The following IQGAP1 variants were observed in gnomAD, a reference collection of about 807,000 sequenced individuals.
IQGAP1 encodes ras GTPase-activating-like protein IQGAP1.
In IQGAP1, 66 loss-of-function variants were observed where a neutral mutation model predicts 215.6. The ratio of observed to expected loss-of-function variants is 0.31; its 90% CI spans 0.25 to 0.38. IQGAP1 has a LOEUF of 0.38. IQGAP1 is among the 10% of genes least tolerant of loss of function. The pLI, the probability that IQGAP1 is intolerant of heterozygous loss-of-function variation, is 1.00. For missense variants in IQGAP1, 1,712 were observed against 1,997.1 expected, an observed-to-expected ratio of 0.86 and a Z score of 2.72; for synonymous variants, 772 against 728.7, an observed-to-expected ratio of 1.06 and a Z score of -0.96.
Position 90,481,884 on chromosome 15 carries a change from G to A in IQGAP1, c.3330-76G>A, listed in dbSNP as rs1335608494. 2.0e-6 allele frequency: 3 copies of A among 1,479,200 alleles called. No homozygotes were observed. The East Asian group carries it at 6.8e-5, about 34-fold the overall frequency. The allele number at this position is 1,479,200 out of a possible 1,614,324, so 91.6% of individuals were successfully genotyped here. Reference sequence around the variant, plus strand: ...AATATTTCTGGGTCTTATAGTTTATGAAAGATAAGACACTTGCTTCAGGCT... The same window carrying A: ...AATATTTCTGGGTCTTATAGTTTATAAAAGATAAGACACTTGCTTCAGGCT... On this transcript the variant is annotated intron_variant, in intron 26 of 37. Transcript: ENST00000268182.
At chr15:90,483,679 C>G in intron 29 of IQGAP1, 86 bp downstream of exon 29, 1 of 946,886 alleles carries the variant, frequency 1.1e-6, no homozygotes, top group Non-Finnish European at 1.6e-6. Context: ...AACCACCTCT[C>G]ACTTTCCCCG....
chr15:90,488,957 G>A (rs1444793205), intron 33 of IQGAP1, among the ~76,000 whole-genome samples: 1 of 152,124 alleles, frequency 6.6e-6, no homozygotes, highest in Non-Finnish European at 1.5e-5. Context: ...AAGAGCCTCT[G>A]TAAGGTTGAA....
At position 90,479,941 on chromosome 15, in the gene IQGAP1, G is replaced by C. The variant is rs568460928; in HGVS notation, c.3330-2019G>C. The stretch of plus-strand genomic sequence containing the variant: ...CCTGCAACCCAGGGCATTCCTTGCC[G>C]ATAGCCCCATGTACACTGGCTCCGG... On this transcript the variant is annotated intron_variant, in intron 26 of 37. Transcript: ENST00000268182. 5.2e-4 allele frequency among the ~76,000 whole-genome samples: 79 copies of C among 152,238 alleles called. 2 individuals carry two copies. In the South Asian group the frequency reaches 0.016, roughly 30 times the overall value.
At position 90,500,150 on chromosome 15, in the gene IQGAP1, C is replaced by A; in HGVS notation, c.*42C>A. On this transcript the variant is annotated 3_prime_UTR_variant, in exon 38 of 38. Transcript: ENST00000268182. Reference sequence around the variant, plus strand: ...AGCCCAGAAGGATGAAGGAAAGAAGCACCTCACAGCTCCTTTCTAGGTCCT... The same window carrying A: ...AGCCCAGAAGGATGAAGGAAAGAAGAACCTCACAGCTCCTTTCTAGGTCCT... The A allele has an allele frequency of 1.8e-6, 2 of 1,098,704 alleles. No homozygotes were observed. Among genetic ancestry groups the A allele is most frequent in the Non-Finnish European group, 2.8e-6 (2 of 714,300 alleles). 68.1% of individuals were successfully genotyped at this position (1,098,704 alleles called of 1,614,324 possible).
At chr15:90,493,459 A>G (rs376131060) in intron 35 of IQGAP1, among the ~76,000 whole-genome samples, 4 of 152,190 alleles carry the variant, frequency 2.6e-5, no homozygotes, top group African/African-American at 9.7e-5. Flanking sequence ...CAGCATGCCC[A>G]TGTTACAGGG....
chr15:90,448,183 A>G (rs969773241), intron 9 of IQGAP1, among the ~76,000 whole-genome samples: 1 of 152,326 alleles, frequency 6.6e-6, no homozygotes, highest in African/African-American at 2.4e-5. Context: ...GTAAGTGGCC[A>G]CGGGAGATAC....
chr15:90,397,240 C>T (rs867981048), intron 2 of IQGAP1, among the ~76,000 whole-genome samples: 1 of 152,184 alleles, frequency 6.6e-6, no homozygotes, highest in East Asian at 1.9e-4. Context: ...TCTATATTCT[C>T]ATAGTACGAA....
chr15:90,487,609 T>C, intron 33 of IQGAP1, 27 bp downstream of exon 33: 2 of 1,475,880 alleles, frequency 1.4e-6, no homozygotes, highest in Non-Finnish European at 1.9e-6. Flanking sequence ...AACATACTCC[T>C]TTGTTTGGTA....
intron 29 of IQGAP1, 105 bp from the exon 30 acceptor site, chr15:90,484,115 C>A: frequency 1.0e-6 from 1 of 967,144 alleles, no homozygotes; most frequent in Non-Finnish European, 1.6e-6. Context: ...TAACTGTTGA[C>A]TGGCTTCTGT....
Position 90,396,768 on chromosome 15 carries a change from C to T in IQGAP1, c.155+5895C>T, listed in dbSNP as rs75000085. Among the ~76,000 whole-genome samples the T allele has an allele frequency of 8.7e-3, 1,319 of 152,214 alleles. 40 individuals are homozygous for T. The East Asian group carries it at 0.11, about 12-fold the overall frequency. ...AGCTGAGTGCTTTTCTGTATTGTAA[C>T]ACTGTTGCAAATGGGGAGTATTCAT... is the stretch of plus-strand genomic sequence containing the variant. On this transcript the variant is annotated intron_variant, in intron 2 of 37. Transcript: ENST00000268182.
In IQGAP1 at chr15:90,483,480, G is replaced by C. The variant is rs765560332; in HGVS notation, c.3675G>C (p.Leu1225=). ...GQLTTDQRRN[L]GSIAKMLQHA... is the part of the protein sequence containing the mutation. ...TTACCACAGACCAACGCCGAAATCTGGGCTCCATTGCAAAAATGCTTCAGC... is the reference window on the plus strand; with the variant it reads ...TTACCACAGACCAACGCCGAAATCTCGGCTCCATTGCAAAAATGCTTCAGC... Residue 1225 remains leucine, a synonymous_variant, in exon 29 of 38, where the codon CTG becomes CTC. Transcript: ENST00000268182. The C allele has an allele frequency of 6.2e-7, 1 of 1,614,138 alleles. No homozygotes were observed. The highest frequency in any genetic ancestry group is 8.5e-7 in the Non-Finnish European group (1 of 1,180,022).
intron 33 of IQGAP1, 57 bp downstream of exon 33, chr15:90,487,639 C>A: frequency 1.7e-6 from 2 of 1,182,318 alleles, no homozygotes; most frequent in Non-Finnish European, 2.5e-6. Context: ...TCCCGATAGG[C>A]GCATGTCAGA....
chr15:90,426,622 A>C (rs939887094), intron 3 of IQGAP1, among the ~76,000 whole-genome samples: 3 of 152,000 alleles, frequency 2.0e-5, no homozygotes, highest in African/African-American at 7.3e-5. Context: ...TTAATTCTTT[A>C]GAAGGTAGAA....
intron 2 of IQGAP1, among the ~76,000 whole-genome samples, chr15:90,402,198 A>G (rs897964977): frequency 2.0e-5 from 3 of 152,198 alleles, no homozygotes; most frequent in Non-Finnish European, 4.4e-5. Context: ...GTGTCTAACT[A>G]GCTTGTTGGA....
At position 90,482,186 on chromosome 15, in the gene IQGAP1, C is replaced by G; in HGVS notation, c.3471-11C>G. 6.2e-7 allele frequency: 1 copy of G among 1,614,174 alleles called. No homozygotes were observed. Among genetic ancestry groups the G allele is most frequent in the Non-Finnish European group, 8.5e-7 (1 of 1,180,026 alleles). On this transcript the variant is annotated splice_polypyrimidine_tract_variant and intron_variant, in intron 27 of 37. Transcript: ENST00000268182. ...CTTGGCCCTTCTCACTAAGTTTTGTCCATCCCGCAGTTATGGGATGCGCTT... is the reference window on the plus strand; with the variant it reads ...CTTGGCCCTTCTCACTAAGTTTTGTGCATCCCGCAGTTATGGGATGCGCTT...
intron 18 of IQGAP1, 29 bp from the exon 19 acceptor site, chr15:90,472,811 G>A (rs1335854814): frequency 1.3e-6 from 2 of 1,579,834 alleles, no homozygotes; most frequent in Non-Finnish European, 8.6e-7. Flanking sequence ...GCCTGTGAAT[G>A]TCTTTGAATG....
chr15:90,394,169 C>A (rs1263889251), intron 2 of IQGAP1, among the ~76,000 whole-genome samples: 3 of 124,234 alleles, frequency 2.4e-5, no homozygotes, highest in African/African-American at 3.0e-5. Context: ...GCAGTGGAGA[C>A]ATTTGTGATG....
chr15:90,451,673 T>A (rs903721814), intron 11 of IQGAP1, among the ~76,000 whole-genome samples: 1 of 151,982 alleles, frequency 6.6e-6, no homozygotes, highest in African/African-American at 2.4e-5. Context: ...CAGATTTCAA[T>A]GTGAGATTTG....
At chr15:90,444,289 ATTT>A (rs759649205) in intron 9 of IQGAP1, among the ~76,000 whole-genome samples, 51 of 117,462 alleles carry the variant, frequency 4.3e-4, no homozygotes, top group African/African-American at 1.6e-3. Flanking sequence ...GTATATATAT[ATTT>A]TTTTTTTTCT....
Sources: gnomAD v4.1 joint callset for allele counts (sites outside exome capture counted in the v4.1 genomes callset) on GRCh38, gnomAD v4.1.1 for gene constraint, MANE v1.5 for transcripts, NCBI Gene and HGNC (gene_info 2026-07-23, HGNC 2026-07-21) for gene names.